Variants in NCKAP5 observed in about 807,000 individuals in gnomAD.
NCKAP5 encodes the protein NCK associated protein 5, also known as nck-associated protein 5.
NCKAP5 carries 92 observed loss-of-function variants against 167.0 expected under a neutral mutation model. That is an observed-to-expected ratio of 0.55 (90% CI 0.47 to 0.66). The LOEUF (loss-of-function observed/expected upper bound fraction) is 0.66. Among genes scored for constraint, NCKAP5 ranks in the 30% least tolerant of loss-of-function variants. The pLI is 0.00. For synonymous variants in NCKAP5, 891 were observed against 877.4 expected (o/e 1.02, Z -0.27); for missense variants, 2,378 against 2,315.0 (o/e 1.03, Z -0.56).
intron 2 of NCKAP5, among the ~76,000 whole-genome samples, chr2:133,531,126 C>A (rs1816385): frequency 4.0e-5 from 6 of 148,512 alleles, no homozygotes; most frequent in African/African-American, 7.4e-5. Flanking sequence ...GATGTGAAGA[C>A]TGAAAGAAAA....
At chr2:133,646,252 ACTAT>A in the NCKAP5 span, among the ~76,000 whole-genome samples, 1 of 152,090 alleles carries the variant, frequency 6.6e-6, no homozygotes, top group Non-Finnish European at 1.5e-5. Context: ...AAATAAAACC[ACTAT>A]CTTATTCCCA....
chr2:133,449,764 T>C (rs1478249711), intron 3 of NCKAP5, among the ~76,000 whole-genome samples: 1 of 152,174 alleles, frequency 6.6e-6, no homozygotes, highest in Non-Finnish European at 1.5e-5. Context: ...CGATTTGAAC[T>C]ATAAAGGAAG....
At chr2:132,726,136 C>T (rs748477315) in intron 18 of NCKAP5, among the ~76,000 whole-genome samples, 8 of 152,180 alleles carry the variant, frequency 5.3e-5, no homozygotes, top group Admixed American at 2.0e-4. Context: ...AACCTAATGG[C>T]TTATTTATTT....
intron 2 of NCKAP5, among the ~76,000 whole-genome samples, chr2:133,530,050 A>T (rs1005102633): frequency 1.3e-5 from 2 of 152,148 alleles, no homozygotes; most frequent in African/African-American, 4.8e-5. Context: ...TTAAAAGACC[A>T]TTTTCCATAT....
intron 17 of NCKAP5, among the ~76,000 whole-genome samples, chr2:132,729,169 G>A (rs913434620): frequency 7.9e-5 from 12 of 152,110 alleles, no homozygotes; most frequent in African/African-American, 2.7e-4. Context: ...TCAAGACCCC[G>A]AGGCAAACTG....
At chr2:133,554,589 A>G (rs886903637) in intron 2 of NCKAP5, among the ~76,000 whole-genome samples, 12 of 152,190 alleles carry the variant, frequency 7.9e-5, no homozygotes, top group Non-Finnish European at 1.6e-4. Flanking sequence ...TCTCATGTCT[A>G]TTAGAAATCA....
At chr2:132,916,518 G>A (rs755652251) in intron 8 of NCKAP5, among the ~76,000 whole-genome samples, 3 of 152,110 alleles carry the variant, frequency 2.0e-5, no homozygotes, top group Non-Finnish European at 4.4e-5. Context: ...GAGGCATAGA[G>A]AAGAATGACT....
intron 4 of NCKAP5, among the ~76,000 whole-genome samples, chr2:133,250,504 T>C (rs529595230): frequency 5.3e-4 from 80 of 152,224 alleles, no homozygotes; most frequent in Admixed American, 1.5e-3. Flanking sequence ...CCTGACACCA[T>C]GTGGAGGGCC....
At chr2:133,379,782 G>A (rs1191918046) in intron 3 of NCKAP5, among the ~76,000 whole-genome samples, 1 of 152,174 alleles carries the variant, frequency 6.6e-6, no homozygotes, top group Non-Finnish European at 1.5e-5. Context: ...GCACTTCAAA[G>A]TGCAGTAAAA....
chr2:133,204,756 C>A (rs2085868532), intron 5 of NCKAP5, among the ~76,000 whole-genome samples: 1 of 152,154 alleles, frequency 6.6e-6, no homozygotes, highest in African/African-American at 2.4e-5. Flanking sequence ...TCTACATATC[C>A]TTGCCTACTG....
chr2:133,231,826 A>C (rs1283202615), intron 4 of NCKAP5, among the ~76,000 whole-genome samples: 2 of 152,202 alleles, frequency 1.3e-5, no homozygotes, highest in Non-Finnish European at 2.9e-5. Flanking sequence ...AAGATTAATA[A>C]ATCTTACAAG....
chr2:133,138,449 A>G (rs1393539500), intron 5 of NCKAP5, among the ~76,000 whole-genome samples: 1 of 152,224 alleles, frequency 6.6e-6, no homozygotes, highest in Non-Finnish European at 1.5e-5. Flanking sequence ...TTTGCTTTTA[A>G]TATCATCCTA....
rs1483655810 is a variant in NCKAP5 at position 132,907,614 on chromosome 2, C to T, written c.580-28698G>A. 6.3e-5 allele frequency among the ~76,000 whole-genome samples: 8 copies of T among 126,696 alleles called. No individual in the cohort carries two copies. In the Admixed American group the frequency reaches 7.0e-4, roughly 11 times the overall value. The allele number at this position is 126,696 out of a possible 152,430, so 83.1% of individuals were successfully genotyped here. A position where few individuals can be genotyped will look rare whatever the true frequency, so the allele number is the denominator to read the frequency against. On this transcript the variant is annotated intron_variant, in intron 8 of 19. Transcript: ENST00000409261. ...TCAAGGCTCTTACCACTCAAAGACA[C>T]GTTTTAGAGGTGTTTAGATAAACAT...
chr2:132,761,002 C>T (rs967058253), intron 16 of NCKAP5, among the ~76,000 whole-genome samples: 2 of 152,142 alleles, frequency 1.3e-5, no homozygotes, highest in African/African-American at 4.8e-5. Context: ...TGAGTGCAAA[C>T]TAATGATTCA....
chr2:133,061,723 A>G (rs1247782139), intron 6 of NCKAP5, among the ~76,000 whole-genome samples: 3 of 152,214 alleles, frequency 2.0e-5, no homozygotes, highest in African/African-American at 4.8e-5. Context: ...GGGGAGAAAA[A>G]GAAAGATACA....
chr2:133,195,070 C>G (rs531858330), intron 5 of NCKAP5, among the ~76,000 whole-genome samples: 1 of 152,024 alleles, frequency 6.6e-6, no homozygotes, highest in Admixed American at 6.6e-5. Context: ...CCATATACTG[C>G]AGGTGCTATG....
chr2:133,196,697 C>G (rs1342020585), intron 5 of NCKAP5, among the ~76,000 whole-genome samples: 1 of 152,130 alleles, frequency 6.6e-6, no homozygotes, highest in Non-Finnish European at 1.5e-5. Flanking sequence ...AGACTCACAG[C>G]CCAAAACTCA....
chr2:132,859,543 T>C (rs1207108700), intron 11 of NCKAP5, among the ~76,000 whole-genome samples: 1 of 152,232 alleles, frequency 6.6e-6, no homozygotes, highest in Admixed American at 6.5e-5. Context: ...AATTTAAATT[T>C]TTAAAATTAA....
intron 11 of NCKAP5, among the ~76,000 whole-genome samples, chr2:132,857,227 A>C (rs1157519839): frequency 6.6e-6 from 1 of 151,842 alleles, no homozygotes; most frequent in Admixed American, 6.6e-5. Context: ...ATGATTCCTA[A>C]TTTTTGTTTT....
Sources: gnomAD v4.1 joint callset for allele counts (sites outside exome capture counted in the v4.1 genomes callset) on GRCh38, gnomAD v4.1.1 for gene constraint, MANE v1.5 for transcripts, NCBI Gene and HGNC (gene_info 2026-07-23, HGNC 2026-07-21) for gene names.